The following AFF2 variants were observed in gnomAD, a reference collection of about 807,000 sequenced individuals.
AFF2 encodes AF4/FMR2 family member 2.
In AFF2, 14 loss-of-function variants were observed where a neutral mutation model predicts 76.9. The observed-to-expected ratio is 0.18, with a 90% CI of 0.12 to 0.28. The LOEUF (loss-of-function observed/expected upper bound fraction) is 0.28, where lower values mean the gene tolerates loss of function less well. Ranked by LOEUF, AFF2 falls within the 10% of genes least tolerant of loss-of-function variation. The pLI is 1.00. For synonymous variants in AFF2, 398 were observed against 366.7 expected (o/e 1.09, Z -0.98); for missense variants, 868 against 1,001.1 (o/e 0.87, Z 1.79).
chrX:148,584,800 T>C (rs907654169), intron 1 of AFF2, among the ~76,000 whole-genome samples: 26 of 110,452 alleles, frequency 2.4e-4, no homozygotes, highest in Non-Finnish European at 4.4e-4. Flanking sequence ...CGGCCTCCCA[T>C]TGTGCTGGGA....
chrX:148,930,138 A>G (rs1046778496), intron 9 of AFF2, among the ~76,000 whole-genome samples: 3 of 112,244 alleles, frequency 2.7e-5, no homozygotes, highest in Non-Finnish European at 5.6e-5. Context: ...TTCAAGGAAC[A>G]AAGAGAGGAT....
At chrX:148,624,917 C>A (rs1306600413) in intron 1 of AFF2, among the ~76,000 whole-genome samples, 1 of 111,821 alleles carries the variant, frequency 8.9e-6, no homozygotes, top group African/African-American at 3.3e-5. Context: ...TGTACTTAGC[C>A]CATAGCAAAA....
chrX:148,963,041 G>A (rs1469291151), intron 13 of AFF2, 104 bp downstream of exon 13: 5 of 560,632 alleles, frequency 8.9e-6, no homozygotes, highest in Non-Finnish European at 1.5e-5. Flanking sequence ...GGAGGAAGAT[G>A]CAGAGAAGAA....
chrX:148,680,841 A>G (rs1347672261), intron 3 of AFF2, among the ~76,000 whole-genome samples: 4 of 111,519 alleles, frequency 3.6e-5, no homozygotes, highest in Non-Finnish European at 1.9e-5. Flanking sequence ...ACTAAGCCCT[A>G]CAAGACACTA....
At chrX:148,783,113 G>A (rs2069766148) in intron 3 of AFF2, among the ~76,000 whole-genome samples, 1 of 111,759 alleles carries the variant, frequency 8.9e-6, no homozygotes, top group African/African-American at 3.3e-5. Context: ...CAATCTTTAT[G>A]TCTTCCTTTT....
At position 148,949,491 on chromosome X, in the gene AFF2, GTC is replaced by G. The variant is rs2071940452; in HGVS notation, c.1398-4087_1398-4086del. On this transcript the variant is annotated intron_variant, in intron 9 of 20. Transcript: ENST00000370460. ...TGCTAAGCCATCTTCTCTGCCCCCA[GTC>G]TGGCCTATGACCATGAAGACCTAAT... is the stretch of plus-strand genomic sequence containing the variant. Among the ~76,000 whole-genome samples the G allele has an allele frequency of 3.6e-5, 4 of 112,029 alleles. No individual in the cohort carries two copies. The South Asian group carries it at 1.5e-3, about 42-fold the overall frequency.
chrX:148,545,337 G>A (rs2052908221), intron 1 of AFF2, among the ~76,000 whole-genome samples: 2 of 111,893 alleles, frequency 1.8e-5, no homozygotes, highest in Admixed American at 1.9e-4. Flanking sequence ...TCACTTTGCT[G>A]TGCTTTTTGT....
At chrX:148,937,569 G>A (rs1330022595) in intron 9 of AFF2, among the ~76,000 whole-genome samples, 1 of 111,988 alleles carries the variant, frequency 8.9e-6, no homozygotes, top group Non-Finnish European at 1.9e-5. Context: ...CTTCAAAAGG[G>A]TAAGCAGGTG....
chrX:148,640,979 C>T (rs2054083171), intron 1 of AFF2, among the ~76,000 whole-genome samples: 1 of 111,852 alleles, frequency 8.9e-6, no homozygotes, highest in African/African-American at 3.3e-5. Flanking sequence ...GATTTTGTTT[C>T]CTACCCCAAG....
chrX:148,623,284 G>A lies in AFF2; in HGVS notation c.48-28715G>A, dbSNP rs184019407. 9.2e-4 allele frequency among the ~76,000 whole-genome samples: 102 copies of A among 111,102 alleles called. 1 individual carries two copies. Among genetic ancestry groups the A allele is most frequent in the African/African-American group, 3.2e-3 (97 of 30,660 alleles). ...GACTTCCATGCAGAAGACCATGAGT[G>A]TTATTTAGTATTGAAAGAATGGCAA... On this transcript the variant is annotated intron_variant, in intron 1 of 20. Transcript: ENST00000370460.
intron 1 of AFF2, among the ~76,000 whole-genome samples, chrX:148,604,621 C>A (rs2053657174): frequency 8.9e-6 from 1 of 112,025 alleles, no homozygotes; most frequent in Non-Finnish European, 1.9e-5. Flanking sequence ...TAAAACACTA[C>A]ATATAAAAAT....
Position 148,899,801 on chromosome X carries a change from C to T in AFF2, c.1360-4420C>T, listed in dbSNP as rs781892423. ...GTCCACTGCCACAATATCTCTAGGC[C>T]ATCCAAATGTTCACTTTGACAGTCT... is the stretch of plus-strand genomic sequence containing the variant. On this transcript the variant is annotated intron_variant, in intron 8 of 20. Coordinates refer to ENST00000370460, the MANE Select transcript of AFF2 (RefSeq NM_002025.4). Among the ~76,000 whole-genome samples the T allele has an allele frequency of 2.7e-5, 3 of 111,148 alleles. No homozygotes were observed. In the South Asian group the frequency reaches 1.1e-3, roughly 43 times the overall value.
At chrX:148,527,437 C>G (rs1336133948) in intron 1 of AFF2, among the ~76,000 whole-genome samples, 1 of 111,713 alleles carries the variant, frequency 9.0e-6, no homozygotes, top group Non-Finnish European at 1.9e-5. Flanking sequence ...CCCTTTCTTT[C>G]TTTCTTTTTT....
chrX:148,892,386 C>G (rs1057227372), intron 8 of AFF2, among the ~76,000 whole-genome samples: 2 of 110,473 alleles, frequency 1.8e-5, no homozygotes, highest in African/African-American at 6.6e-5. Flanking sequence ...AAAAAAGTTG[C>G]TTTTAATCCA....
chrX:148,530,147 A>C (rs2052712913), intron 1 of AFF2, among the ~76,000 whole-genome samples: 1 of 111,634 alleles, frequency 9.0e-6, no homozygotes, highest in African/African-American at 3.3e-5. Context: ...AGATGACTTC[A>C]TGTGTGTCAA....
intron 3 of AFF2, among the ~76,000 whole-genome samples, chrX:148,753,521 C>T (rs1740718374): frequency 8.9e-6 from 1 of 111,971 alleles, no homozygotes; most frequent in Non-Finnish European, 1.9e-5. Flanking sequence ...TGCTTTGGCA[C>T]ATTTTCATTT....
At chrX:148,913,853 C>A (rs782757848) in intron 9 of AFF2, among the ~76,000 whole-genome samples, 29 of 111,937 alleles carry the variant, frequency 2.6e-4, no homozygotes, top group African/African-American at 8.4e-4. Context: ...TCAATATTGC[C>A]GTGTAGTGAT....
intron 7 of AFF2, among the ~76,000 whole-genome samples, chrX:148,872,281 C>T (rs986260013): frequency 9.0e-6 from 1 of 111,552 alleles, no homozygotes; most frequent in African/African-American, 3.3e-5. Flanking sequence ...AGTCACTCCC[C>T]TTGCCCCATC....
chrX:148,681,568 G>T lies in AFF2; in HGVS notation c.1041+18800G>T, dbSNP rs183797151. On this transcript the variant is annotated intron_variant, in intron 3 of 20. Transcript: ENST00000370460. Reference sequence around the variant, plus strand: ...TGTGTGTGTGTGTGTGTGTGTCAGTGTGTGTGTGTGTGTGTGAGAGAGAGA... The same window carrying T: ...TGTGTGTGTGTGTGTGTGTGTCAGTTTGTGTGTGTGTGTGTGAGAGAGAGA... Among the ~76,000 whole-genome samples the T allele has an allele frequency of 4.0e-4, 30 of 74,594 alleles. No individual in the cohort carries two copies. In the East Asian group the frequency reaches 8.5e-3, roughly 21 times the overall value. 64.8% of individuals were successfully genotyped at this position (74,594 alleles called of 115,157 possible).
Sources: gnomAD v4.1 joint callset for allele counts (sites outside exome capture counted in the v4.1 genomes callset) on GRCh38, gnomAD v4.1.1 for gene constraint, MANE v1.5 for transcripts, NCBI Gene and HGNC (gene_info 2026-07-23, HGNC 2026-07-21) for gene names.